Variants in MYLK4 observed in about 807,000 individuals in gnomAD.
MYLK4 encodes the protein myosin light chain kinase family member 4, also known as caMLCK like.
In MYLK4, 46 loss-of-function variants were observed where a neutral mutation model predicts 48.1. The observed-to-expected ratio is 0.96, with a 90% CI of 0.75 to 1.22. The LOEUF is 1.22. Among genes scored for constraint, MYLK4 ranks in the 50% most tolerant of loss-of-function variants. The probability of loss-of-function intolerance (pLI) is 0.00; values close to 1 mark genes in which losing one functional copy is unlikely to be tolerated. For synonymous variants in MYLK4, 170 were observed against 180.8 expected (o/e 0.94, Z 0.48); for missense variants, 451 against 486.1 (o/e 0.93, Z 0.68).
chr6:2,761,941 C>T, the MYLK4 span, among the ~76,000 whole-genome samples: 1 of 152,124 alleles, frequency 6.6e-6, no homozygotes, highest in South Asian at 2.1e-4. Flanking sequence ...GAGACGGATT[C>T]TCGCTCTGTC....
intron 2 of MYLK4, among the ~76,000 whole-genome samples, chr6:2,696,611 T>C (rs893640679): frequency 6.6e-6 from 1 of 152,258 alleles, no homozygotes; most frequent in African/African-American, 2.4e-5. Flanking sequence ...AATAAATGTT[T>C]GTTGTTTAAA....
intron 1 of MYLK4, among the ~76,000 whole-genome samples, chr6:2,750,029 G>T (rs1764233031): frequency 6.6e-6 from 1 of 152,126 alleles, no homozygotes; most frequent in South Asian, 2.1e-4. Flanking sequence ...CCTCGCAAAT[G>T]AAGTAATGCA....
chr6:2,745,903 CGACAG>C (rs56102243), intron 2 of MYLK4, among the ~76,000 whole-genome samples: 90,108 of 147,428 alleles, frequency 0.61, 27,763 homozygotes, highest in Non-Finnish European at 0.67. Flanking sequence ...CCAGCCTGGG[CGACAG>C]AGTGAGAAGC....
chr6:2,737,980 G>T (rs1763749195), intron 2 of MYLK4, among the ~76,000 whole-genome samples: 1 of 68,404 alleles, frequency 1.5e-5, no homozygotes, highest in South Asian at 7.4e-4. Flanking sequence ...CCGGGGGCGG[G>T]TGGGGGGGGG....
At chr6:2,670,995 C>T (rs1760867365) in intron 12 of MYLK4, among the ~76,000 whole-genome samples, 1 of 151,948 alleles carries the variant, frequency 6.6e-6, no homozygotes, top group African/African-American at 2.4e-5. Flanking sequence ...TCCCACGCAC[C>T]AGGCTCTGGT....
rs201667067 is a variant in MYLK4, at chr6:2,685,350, A to G, written c.491T>C (p.Ile164Thr). ...VMNQLDHANL[I>T]QLYDAFESKN... ...AGACTCGAAGGCATCGTACAGCTGG[A>G]TGAGGTTCGCGTGGTCCAGCTGGTT... Residue 164 changes from isoleucine to threonine, a missense_variant, in exon 6 of 13, where the codon ATC (isoleucine) becomes ACC (threonine). Transcript: ENST00000274643. The surrounding 1 kb of genome is among the most constrained non-coding windows in gnomAD (Gnocchi z 4.5). 105 of 1,598,140 alleles carry G rather than the reference A, an allele frequency of 6.6e-5. No individual in the cohort carries two copies. Among genetic ancestry groups the G allele is most frequent in the Admixed American group, 1.0e-4 (6 of 59,394 alleles).
chr6:2,684,959 G>A (rs1761470047), intron 6 of MYLK4, among the ~76,000 whole-genome samples: 1 of 152,034 alleles, frequency 6.6e-6, no homozygotes, highest in Non-Finnish European at 1.5e-5. Context: ...CATGACCTTT[G>A]TATTAGTGAA....
intron 2 of MYLK4, among the ~76,000 whole-genome samples, chr6:2,722,515 G>C (rs1393164634): frequency 6.3e-4 from 35 of 55,998 alleles, no homozygotes; most frequent in African/African-American, 2.7e-3. Flanking sequence ...TAAAAGGAGT[G>C]TGTGTGTGTG....
intron 2 of MYLK4, among the ~76,000 whole-genome samples, chr6:2,703,665 C>CTTTTTGTT (rs1762382421): frequency 1.1e-5 from 1 of 95,120 alleles, no homozygotes; most frequent in African/African-American, 4.1e-5. Context: ...TTTGTGAATT[C>CTTTTTGTT]TTTTTTTTTT....
At chr6:2,752,814 T>C (rs1764329694), upstream of MYLK4, among the ~76,000 whole-genome samples, 1 of 152,204 alleles carries the variant, frequency 6.6e-6, no homozygotes, top group East Asian at 1.9e-4. Flanking sequence ...CTACTTGCCC[T>C]AAAAAGCAAG....
At chr6:2,708,887 C>T (rs570348503) in intron 2 of MYLK4, among the ~76,000 whole-genome samples, 1 of 152,334 alleles carries the variant, frequency 6.6e-6, no homozygotes, top group Non-Finnish European at 1.5e-5. Flanking sequence ...AGTTTAACCT[C>T]CCTTCTCAAG....
At chr6:2,689,847 C>T (rs1761705819) in intron 3 of MYLK4, among the ~76,000 whole-genome samples, 2 of 152,204 alleles carry the variant, frequency 1.3e-5, no homozygotes, top group African/African-American at 4.8e-5. Context: ...TACCTTGTTC[C>T]AGGCACTCTG....
intron 2 of MYLK4, among the ~76,000 whole-genome samples, chr6:2,712,445 A>T (rs190761576): frequency 1.7e-3 from 259 of 152,350 alleles, no homozygotes; most frequent in African/African-American, 5.8e-3. Flanking sequence ...CATTCAAAGT[A>T]CATCGCCAGT....
At chr6:2,690,146 A>G (rs1036502602) in intron 3 of MYLK4, among the ~76,000 whole-genome samples, 1 of 152,216 alleles carries the variant, frequency 6.6e-6, no homozygotes, top group African/African-American at 2.4e-5. Context: ...TTTCCTACCC[A>G]GTGGGGTCAG....
intron 2 of MYLK4, among the ~76,000 whole-genome samples, chr6:2,700,846 A>G (rs1762256498): frequency 6.6e-6 from 1 of 152,222 alleles, no homozygotes; most frequent in Admixed American, 6.5e-5. Context: ...AGGAGGACTC[A>G]GGCTGAGGTG....
At chr6:2,733,874 T>C (rs977160337) in intron 2 of MYLK4, among the ~76,000 whole-genome samples, 4 of 152,110 alleles carry the variant, frequency 2.6e-5, no homozygotes, top group African/African-American at 9.7e-5. Flanking sequence ...TAGGGGAACC[T>C]CGCAATCTGG....
chr6:2,680,535 T>C (rs1037144791), intron 7 of MYLK4: 16 of 985,438 alleles, frequency 1.6e-5, no homozygotes, highest in Non-Finnish European at 1.9e-5. Context: ...CCATAATGCC[T>C]GAGTTCAGGC....
At chr6:2,715,536 A>G (rs1762837393) in intron 2 of MYLK4, among the ~76,000 whole-genome samples, 1 of 152,198 alleles carries the variant, frequency 6.6e-6, no homozygotes, top group African/African-American at 2.4e-5. Context: ...TGGTGTTAAC[A>G]TTACCTGTTG....
intron 2 of MYLK4, among the ~76,000 whole-genome samples, chr6:2,747,572 C>T (rs1764141846): frequency 6.6e-6 from 1 of 152,084 alleles, no homozygotes; most frequent in Non-Finnish European, 1.5e-5. Context: ...CTGGGCTGGT[C>T]TCAAACTCCT....
Sources: allele counts gnomAD v4.1 joint callset (sites outside exome capture counted in the v4.1 genomes callset), GRCh38; gene constraint gnomAD v4.1.1; non-coding constraint Gnocchi (gnomAD v3.1); transcripts MANE v1.5; gene names NCBI Gene and HGNC (gene_info 2026-07-23, HGNC 2026-07-21).